Variants in EPHA10 observed in about 807,000 individuals in gnomAD.
The protein encoded by EPHA10 is ephrin type-A receptor 10.
A neutral mutation model predicts 109.7 loss-of-function variants in EPHA10; 120 were observed. The ratio of observed to expected loss-of-function variants is 1.09; its 90% CI spans 0.94 to 1.27. The LOEUF is 1.27. Ranked by LOEUF, EPHA10 falls within the 50% of genes most tolerant of loss-of-function variation. EPHA10 has a pLI of 0.00. For synonymous variants in EPHA10, 640 were observed against 618.9 expected (o/e 1.03, Z -0.51); for missense variants, 1,396 against 1,411.1 (o/e 0.99, Z 0.17).
intron 5 of EPHA10, among the ~76,000 whole-genome samples, chr1:37,740,678 G>A (rs1646140134): frequency 6.6e-6 from 1 of 152,232 alleles, no homozygotes; most frequent in African/African-American, 2.4e-5. Flanking sequence ...TCTGGATGAT[G>A]TCAGATGAAC....
intron 5 of EPHA10, among the ~76,000 whole-genome samples, 187 bp downstream of exon 5, chr1:37,752,689 G>A (rs1048700723): frequency 4.6e-5 from 7 of 151,940 alleles, no homozygotes; most frequent in Non-Finnish European, 8.8e-5. Context: ...ACACTCGGGA[G>A]GGCGACTGAC....
intron 7 of EPHA10, among the ~76,000 whole-genome samples, chr1:37,727,627 C>T (rs2148323619): frequency 6.6e-6 from 1 of 152,342 alleles, no homozygotes; most frequent in Middle Eastern, 3.4e-3. Context: ...TTACTCCATT[C>T]AAGACACTGG....
At chr1:37,737,932 C>CA (rs1646094099) in intron 5 of EPHA10, 1 of 61,458 alleles carries the variant, frequency 1.6e-5, no homozygotes, top group Non-Finnish European at 3.0e-5. Flanking sequence ...TAACTGTAGG[C>CA]TTTTTTTTTT....
At chr1:37,729,439 G>A (rs1369044533) in intron 7 of EPHA10, among the ~76,000 whole-genome samples, 2 of 152,186 alleles carry the variant, frequency 1.3e-5, no homozygotes, top group Non-Finnish European at 2.9e-5. Flanking sequence ...CCTTGATTTG[G>A]GGCTGGGCAT....
chr1:37,724,098 C>T (rs762878448), intron 8 of EPHA10, among the ~76,000 whole-genome samples: 4 of 152,200 alleles, frequency 2.6e-5, no homozygotes, highest in Admixed American at 6.5e-5. Flanking sequence ...GAAGCTGCCA[C>T]GGGTGTCACC....
rs781549720 is a variant in EPHA10, at chr1:37,754,337, C to T, written c.884G>A (p.Arg295Gln). ...CPPGFYKVSP[R>Q]RPLCSPCPEH... ...TGGGCACGGTGAGCAGAGGGGCCGC[C>T]GCGGGGACACCTTGTAAAACCCTGG... Residue 295 changes from arginine to glutamine, a missense_variant, in exon 4 of 17, where the codon CGG (arginine) becomes CAG (glutamine). By Grantham distance (43) the Arg-to-Gln change is conservative. Coordinates refer to ENST00000373048, the MANE Select transcript of EPHA10 (RefSeq NM_001099439.2). This position sits in a 1 kb window ranked among gnomAD's most constrained non-coding sequence, Gnocchi z 4.5. 1 of 1,308,224 alleles carries T rather than the reference C, an allele frequency of 7.6e-7. No homozygotes were observed. The highest frequency in any genetic ancestry group is 9.8e-7 in the Non-Finnish European group (1 of 1,022,274). The allele number at this position is 1,308,224 out of a possible 1,614,324, so 81.0% of individuals were successfully genotyped here.
intron 6 of EPHA10, among the ~76,000 whole-genome samples, chr1:37,734,062 A>G (rs1646031086): frequency 6.6e-6 from 1 of 152,108 alleles, no homozygotes; most frequent in Non-Finnish European, 1.5e-5. Flanking sequence ...CCCAACACTC[A>G]CAGGTCTCAA....
At position 37,722,039 on chromosome 1, in the gene EPHA10, G is replaced by A. The variant is rs1218492307; in HGVS notation, c.1961-194C>T. ...CCAGCTACTTGAGAAGCTGAGGCAG[G>A]AAAATCACTTGAACCCAGGAGGCAG... On this transcript the variant is annotated intron_variant, in intron 10 of 16. Transcript: ENST00000373048. 7.7e-6 allele frequency: 4 copies of A among 519,436 alleles called. No homozygotes were observed. The East Asian group carries it at 1.0e-4, about 13-fold the overall frequency. The allele number at this position is 519,436 out of a possible 1,614,324, so 32.2% of individuals were successfully genotyped here.
chr1:37,759,625 A>C (rs1255071247), intron 3 of EPHA10, among the ~76,000 whole-genome samples: 1 of 152,152 alleles, frequency 6.6e-6, no homozygotes, highest in Admixed American at 6.5e-5. Flanking sequence ...CCAGTGCCTG[A>C]GCTCAAGAAG....
chr1:37,733,121 G>A (rs1288619545), intron 6 of EPHA10, among the ~76,000 whole-genome samples: 2 of 151,512 alleles, frequency 1.3e-5, no homozygotes, highest in African/African-American at 4.9e-5. Flanking sequence ...TCGAACTCCT[G>A]ACCTCAGGTG....
At chr1:37,760,264 G>C in intron 3 of EPHA10, 1 of 1,025,598 alleles carries the variant, frequency 9.8e-7, no homozygotes, top group Non-Finnish European at 1.2e-6. Context: ...ACCCAGAAAA[G>C]GACATGGTTT....
At position 37,721,779 on chromosome 1, in the gene EPHA10, A is replaced by C; in HGVS notation, c.2027T>G (p.Val676Gly). Residue 676 changes from valine (V) to glycine (G), a missense_variant, in exon 11 of 17, where the codon GTG (valine) becomes GGG (glycine). Transcript: ENST00000373048. ...GGAGGCGCTGTCCCTCAGCATATGCACGGCTACGAGCAGCTCCTGGCGACC... is the reference window on the plus strand; with the variant it reads ...GGAGGCGCTGTCCCTCAGCATATGCCCGGCTACGAGCAGCTCCTGGCGACC... ...LPGRQELLVA[V>G]HMLRDSASDS... 6.2e-7 allele frequency: 1 copy of C among 1,611,982 alleles called. No individual in the cohort carries two copies. Among genetic ancestry groups the C allele is most frequent in the Non-Finnish European group, 8.5e-7 (1 of 1,179,500 alleles).
At chr1:37,719,865 T>C (rs1645758859) in intron 14 of EPHA10, 44 bp downstream of exon 14, 2 of 1,613,498 alleles carry the variant, frequency 1.2e-6, no homozygotes, top group Non-Finnish European at 1.7e-6. Context: ...GGGCCTGAGC[T>C]GAGAGGGTCA....
chr1:37,735,322 C>A lies in EPHA10; in HGVS notation c.1426G>T (p.Glu476Ter). Residue 476 changes from glutamate to a stop codon, truncating the protein, a stop_gained, in exon 6 of 17, where the codon GAG becomes TAG. Coordinates refer to ENST00000373048, the MANE Select transcript of EPHA10 (RefSeq NM_001099439.2). LOFTEE classifies it high-confidence loss of function. ...EPQSVSLSWREPIPAGAPGAN... is the reference protein window; with the variant it reads ...EPQSVSLSWR ...CCAGGGGCTCCGGCAGGGATGGGCT[C>A]CCGCCACGACAGGGACACGCTCTGG... 1 of 1,566,386 alleles carries A rather than the reference C, an allele frequency of 6.4e-7. No homozygotes were observed. The highest frequency in any genetic ancestry group is 8.7e-7 in the Non-Finnish European group (1 of 1,155,032).
chr1:37,720,307 G>T, intron 13 of EPHA10, 44 bp downstream of exon 13: 1 of 1,553,902 alleles, frequency 6.4e-7, no homozygotes, highest in East Asian at 2.3e-5. Context: ...GCAGCTTGGT[G>T]GGAACCAGAA....
chr1:37,763,690 A>C (rs1485945407), intron 1 of EPHA10, among the ~76,000 whole-genome samples: 1 of 151,966 alleles, frequency 6.6e-6, no homozygotes, highest in Non-Finnish European at 1.5e-5. Flanking sequence ...GAAAGTGAGT[A>C]GTGAATGTAT....
chr1:37,764,324 A>G lies in EPHA10; in HGVS notation c.106+637T>C, dbSNP rs556036096. Among the ~76,000 whole-genome samples, 24 of 152,270 alleles carry G rather than the reference A, an allele frequency of 1.6e-4. No homozygotes were observed. Among genetic ancestry groups the G allele is most frequent in the African/African-American group, 5.8e-4 (24 of 41,560 alleles). On this transcript the variant is annotated intron_variant, in intron 1 of 16. Transcript: ENST00000373048. The surrounding 1 kb of genome is among the most constrained non-coding windows in gnomAD (Gnocchi z 5.8). ...CAGCTCCTCCGGATTCTGCACCTAGATATGACGCCTCTGGATTCAACTGAG... is the reference window on the plus strand; with the variant it reads ...CAGCTCCTCCGGATTCTGCACCTAGGTATGACGCCTCTGGATTCAACTGAG...
intron 5 of EPHA10, among the ~76,000 whole-genome samples, chr1:37,737,675 G>A (rs1334622998): frequency 1.3e-5 from 2 of 152,162 alleles, no homozygotes; most frequent in East Asian, 3.9e-4. Context: ...AAACACAGGG[G>A]AAAAGATTCA....
At chr1:37,738,950 A>G (rs764920762) in intron 5 of EPHA10, among the ~76,000 whole-genome samples, 10 of 152,156 alleles carry the variant, frequency 6.6e-5, no homozygotes, top group Non-Finnish European at 1.5e-5. Flanking sequence ...GAGTTTTACA[A>G]TGAGATCACT....
Sources: allele counts gnomAD v4.1 joint callset (sites outside exome capture counted in the v4.1 genomes callset), GRCh38; gene constraint gnomAD v4.1.1; non-coding constraint Gnocchi (gnomAD v3.1); transcripts MANE v1.5; gene names NCBI Gene and HGNC (gene_info 2026-07-23, HGNC 2026-07-21).